BRD3: variants seen among roughly 807,000 people sequenced by gnomAD.
BRD3 encodes the protein bromodomain containing 3, also known as bromodomain-containing protein 3.
Under a neutral mutation model 66.8 loss-of-function variants are expected in BRD3, and 17 were observed. That is an observed-to-expected ratio of 0.25 (90% confidence interval 0.17 to 0.38). BRD3 has a LOEUF of 0.38. Ranked by LOEUF, BRD3 falls within the 10% of genes least tolerant of loss-of-function variation. BRD3 has a pLI of 1.00. For missense variants in BRD3, 713 were observed against 956.1 expected (o/e 0.75, Z 3.35); for synonymous variants, 421 against 393.2 (o/e 1.07, Z -0.84).
At chr9:134,043,132 C>G (rs1196821372) in intron 7 of BRD3, among the ~76,000 whole-genome samples, 1 of 152,114 alleles carries the variant, frequency 6.6e-6, no homozygotes, top group African/African-American at 2.4e-5. Context: ...AGCCACCACG[C>G]CCGGCCTACT....
At chr9:134,068,470 G>C (rs1830718635), upstream of BRD3, 1 of 150,430 alleles carries the variant, frequency 6.6e-6, no homozygotes, top group Admixed American at 6.6e-5. Context: ...GCCGCGCACG[G>C]GCGGGGCGGC....
intron 1 of BRD3, among the ~76,000 whole-genome samples, chr9:134,061,387 C>T (rs1026314725): frequency 6.6e-6 from 1 of 152,212 alleles, no homozygotes; most frequent in South Asian, 2.1e-4. Context: ...AAGGCCATTC[C>T]AGCTATAGCA....
rs13297632 is a variant in BRD3 at position 134,053,433 on chromosome 9, G to A, written c.45C>T (p.Thr15=). The A allele has an allele frequency of 6.2e-7, 1 of 1,610,954 alleles. No individual in the cohort carries two copies. The highest frequency in any genetic ancestry group is 1.3e-5 in the African/African-American group (1 of 74,990). The change falls in exon 2 of 12, where the codon ACC becomes ACT. Residue 15 remains threonine, a synonymous_variant. Transcript: ENST00000303407. ...TTVAPAGIPA[T]PGPVNPPPPE... is the part of the protein sequence containing the mutation. ...GGGGGGGTGGGTTCACAGGGCCCGG[G>A]GTCGCCGGGATCCCCGCGGGGGCGA...
At chr9:134,036,649 C>G in intron 9 of BRD3, 1 of 1,274,030 alleles carries the variant, frequency 7.8e-7, no homozygotes, top group East Asian at 2.3e-5. Flanking sequence ...ACAGAAAACA[C>G]AGAGGAAAAA....
intron 1 of BRD3, among the ~76,000 whole-genome samples, 200 bp downstream of exon 1, chr9:134,067,745 G>A (rs1269326481): frequency 1.4e-5 from 2 of 144,314 alleles, no homozygotes; most frequent in African/African-American, 2.5e-5. Context: ...CCGCGACCCC[G>A]GGCGGCCGCC....
upstream of BRD3, chr9:134,068,117 C>T (rs1342380475): frequency 4.2e-5 from 6 of 143,430 alleles, no homozygotes; most frequent in Admixed American, 1.4e-4. Flanking sequence ...CGGGGCCGCC[C>T]AGGGGAGGCC....
At position 134,045,263 on chromosome 9, in the gene BRD3, C is replaced by T; in HGVS notation, c.1215+30G>A. ...AGGATGCCCACAGCACTGAGCTGAG[C>T]AGCCCCACCCGTGCCCAGCCTCGGG... On this transcript the variant is annotated intron_variant, in intron 7 of 11. Coordinates refer to ENST00000303407, the MANE Select transcript of BRD3 (RefSeq NM_007371.4). This position sits in a 1 kb window ranked among gnomAD's most constrained non-coding sequence, Gnocchi z 4.8. 6.2e-7 allele frequency: 1 copy of T among 1,611,880 alleles called. No homozygotes were observed. Among genetic ancestry groups the T allele is most frequent in the Non-Finnish European group, 8.5e-7 (1 of 1,179,228 alleles).
intron 5 of BRD3, 51 bp downstream of exon 5, chr9:134,050,323 G>A (rs375395417): frequency 6.2e-5 from 96 of 1,558,704 alleles, no homozygotes; most frequent in Non-Finnish European, 8.2e-5. Flanking sequence ...CTGACCTCAG[G>A]AACCCTGGCC....
At chr9:134,066,896 T>G (rs576696251) in intron 1 of BRD3, among the ~76,000 whole-genome samples, 3 of 152,126 alleles carry the variant, frequency 2.0e-5, no homozygotes, top group African/African-American at 7.2e-5. Context: ...ACCCACACGA[T>G]GGACGCCGGG....
rs200783411 is a variant in BRD3 at position 134,041,896 on chromosome 9, G to A, written c.1271C>T (p.Ala424Val). The A allele has an allele frequency of 7.5e-6, 12 of 1,610,222 alleles. No individual in the cohort carries two copies. The highest frequency in any genetic ancestry group is 4.5e-5 in the East Asian group (2 of 44,790). ...CATGGGGGCCGCGGGGGCAGGCAGC[G>A]CCGGTGCCTCCACGGGCTCATCTGG... ...KMPDEPVEAP[A>V]LPAPAAPMVS... The change falls in exon 8 of 12, where the codon GCG becomes GTG. Residue 424 changes from alanine (A) to valine (V), a missense_variant. By Grantham distance (64) the Ala-to-Val change is moderately conservative. Transcript: ENST00000303407.
chr9:134,050,873 G>C (rs1423755402), intron 4 of BRD3, among the ~76,000 whole-genome samples: 1 of 152,168 alleles, frequency 6.6e-6, no homozygotes, highest in Non-Finnish European at 1.5e-5. Context: ...TGGCAGTCAA[G>C]GGCCACCCTG....
chr9:134,034,767 C>CCTT lies in BRD3; in HGVS notation c.1996_1998dup (p.Lys666dup). On this transcript the variant is annotated inframe_insertion, in exon 11 of 12. Transcript: ENST00000303407. Reference sequence around the variant, plus strand: ...ACATCCTGCAGACGCTTTTCCAGCTCCTTCTTCTTTTCCTGAGCTAGCTCC... The same window carrying CCTT: ...ACATCCTGCAGACGCTTTTCCAGCTCCTTCTTCTTCTTTTCCTGAGCTAGCTCC... The CCTT allele has an allele frequency of 6.2e-7, 1 of 1,611,608 alleles. No homozygotes were observed. The highest frequency in any genetic ancestry group is 1.3e-5 in the African/African-American group (1 of 75,068).
In BRD3 at chr9:134,032,868, C is replaced by CTTT. The variant is rs57529360; in HGVS notation, c.*719_*721dup. 3 of 227,388 alleles carry CTTT rather than the reference C, an allele frequency of 1.3e-5. No individual in the cohort carries two copies. The highest frequency in any genetic ancestry group is 2.5e-5 in the Non-Finnish European group (3 of 121,544). 14.1% of individuals were successfully genotyped at this position (227,388 alleles called of 1,614,324 possible). A position where few individuals can be genotyped will look rare whatever the true frequency, so the allele number is the denominator to read the frequency against. On this transcript the variant is annotated 3_prime_UTR_variant, in exon 12 of 12. Transcript: ENST00000303407. ...TTTTTTTTTTTTTAAATCTTTTCTTCTTTTTTTTTTTTTAAAGTTGAGGTA... is the reference window on the plus strand; with the variant it reads ...TTTTTTTTTTTTTAAATCTTTTCTTCTTTTTTTTTTTTTTTTAAAGTTGAGGTA...
rs1386180416 is a variant in BRD3, at chr9:134,033,287, G to A, written c.*303C>T. ...GCAAAGGGATTCCACAAGGTTCTTC[G>A]GTACGAATCTCACACGGTTTTCTGG... is the stretch of plus-strand genomic sequence containing the variant. On this transcript the variant is annotated 3_prime_UTR_variant, in exon 12 of 12. Transcript: ENST00000303407. The surrounding 1 kb of genome is among the most constrained non-coding windows in gnomAD (Gnocchi z 5.1). The A allele has an allele frequency of 4.7e-6, 2 of 424,464 alleles. No homozygotes were observed. The highest frequency in any genetic ancestry group is 8.3e-6 in the Non-Finnish European group (2 of 241,242). The allele number at this position is 424,464 out of a possible 1,614,324, so 26.3% of individuals were successfully genotyped here. A position where few individuals can be genotyped will look rare whatever the true frequency, so the allele number is the denominator to read the frequency against.
chr9:134,045,486 C>A lies in BRD3; in HGVS notation c.1087-65G>T. 1 of 1,601,914 alleles carries A rather than the reference C, an allele frequency of 6.2e-7. No individual in the cohort carries two copies. Among genetic ancestry groups the A allele is most frequent in the Non-Finnish European group, 8.5e-7 (1 of 1,172,134 alleles). On this transcript the variant is annotated intron_variant, in intron 6 of 11. Transcript: ENST00000303407. This position sits in a 1 kb window ranked among gnomAD's most constrained non-coding sequence, Gnocchi z 4.8. ...TGGCATCAGGACTCTCTGCCACACC[C>A]CACGAGATGAACTCTGGAGCCTCAG...
rs1212330701 is a variant in BRD3, at chr9:134,030,403, A to T, written c.*3187T>A. 5.7e-6 allele frequency: 1 copy of T among 176,812 alleles called. No homozygotes were observed. Among genetic ancestry groups the T allele is most frequent in the Non-Finnish European group, 1.2e-5 (1 of 85,040 alleles). The allele number at this position is 176,812 out of a possible 1,614,324, so 11.0% of individuals were successfully genotyped here. Reference sequence around the variant, plus strand: ...CCAGAAACATCAAAGAGTACTTTCTACCATTTTTATTCTGTTGTGTTGAGG... The same window carrying T: ...CCAGAAACATCAAAGAGTACTTTCTTCCATTTTTATTCTGTTGTGTTGAGG... On this transcript the variant is annotated 3_prime_UTR_variant, in exon 12 of 12. Transcript: ENST00000303407.
At position 134,053,414 on chromosome 9, in the gene BRD3, GT is replaced by G; in HGVS notation, c.63del (p.Pro24ArgfsTer24). On this transcript the variant is annotated frameshift_variant, in exon 2 of 12. Coordinates refer to ENST00000303407, the MANE Select transcript of BRD3 (RefSeq NM_007371.4). LOFTEE classifies it high-confidence loss of function. ...CTGGGGTTGGAGACCTCCGGGGGGG[GT>G]GGGTTCACAGGGCCCGGGGTCGCCG... is the stretch of plus-strand genomic sequence containing the variant. ...GIPATPGPVN[P>X]PPPEVSNPSK... The G allele has an allele frequency of 6.2e-7, 1 of 1,610,596 alleles. No homozygotes were observed. The highest frequency in any genetic ancestry group is 1.1e-5 in the South Asian group (1 of 91,040).
Position 134,050,473 on chromosome 9 carries a change from A to G in BRD3, c.615T>C (p.Thr205=). ...VIAATPVPTI[T]ANVTSVPVPP... ...GGACTGGGACCGACGTGACGTTTGC[A>G]GTGATGGTTGGTACAGGGGTGGCAG... The change falls in exon 5 of 12, where the codon ACT becomes ACC. Residue 205 remains threonine, a synonymous_variant. Coordinates refer to ENST00000303407, the MANE Select transcript of BRD3 (RefSeq NM_007371.4). 6.2e-7 allele frequency: 1 copy of G among 1,612,086 alleles called. No individual in the cohort carries two copies. Among genetic ancestry groups the G allele is most frequent in the Non-Finnish European group, 8.5e-7 (1 of 1,179,438 alleles).
rs932422555 is a variant in BRD3 at position 134,032,315 on chromosome 9, A to C, written c.*1275T>G. 1 of 221,240 alleles carries C rather than the reference A, an allele frequency of 4.5e-6. No individual in the cohort carries two copies. The highest frequency in any genetic ancestry group is 9.0e-6 in the Non-Finnish European group (1 of 110,700). The allele number at this position is 221,240 out of a possible 1,614,324, so 13.7% of individuals were successfully genotyped here. On this transcript the variant is annotated 3_prime_UTR_variant, in exon 12 of 12. Coordinates refer to ENST00000303407, the MANE Select transcript of BRD3 (RefSeq NM_007371.4). ...ATATTATATAACTGGGGTTCCCTAA[A>C]TTGATTTCTTTTAAAACAGTCTTAA...
Sources: gnomAD v4.1 joint callset for allele counts (sites outside exome capture counted in the v4.1 genomes callset) on GRCh38, gnomAD v4.1.1 for gene constraint, Gnocchi (gnomAD v3.1) non-coding constraint, MANE v1.5 for transcripts, NCBI Gene and HGNC (gene_info 2026-07-23, HGNC 2026-07-21) for gene names.